ENTREP2: variants seen among roughly 807,000 people sequenced by gnomAD.
The protein encoded by ENTREP2 is protein ENTREP2.
the ENTREP2 span, among the ~76,000 whole-genome samples, chr15:29,611,641 C>A: frequency 6.6e-6 from 1 of 152,102 alleles, no homozygotes; most frequent in South Asian, 2.1e-4. Context: ...CTCCTCTCTT[C>A]TTCCCCATCC....
chr15:29,596,484 C>G, the ENTREP2 span, among the ~76,000 whole-genome samples: 1 of 152,118 alleles, frequency 6.6e-6, no homozygotes, highest in Non-Finnish European at 1.5e-5. Context: ...ACAACTTTAT[C>G]AGCTAGAATA....
chr15:29,207,020 C>T, the ENTREP2 span, among the ~76,000 whole-genome samples: 1 of 152,164 alleles, frequency 6.6e-6, no homozygotes, highest in African/African-American at 2.4e-5. Context: ...GGTTGGATGA[C>T]ACGGAGCCAC....
the ENTREP2 span, among the ~76,000 whole-genome samples, chr15:29,571,473 C>G: frequency 1.6e-3 from 236 of 151,640 alleles, no homozygotes; most frequent in African/African-American, 5.5e-3. Flanking sequence ...TGCAAAAATC[C>G]AAGATCCAAG....
the ENTREP2 span, among the ~76,000 whole-genome samples, chr15:29,558,930 A>G: frequency 1.4e-4 from 22 of 152,078 alleles, no homozygotes; most frequent in Non-Finnish European, 3.2e-4. Flanking sequence ...CGCATATACA[A>G]AAGATGTATT....
At chr15:29,343,884 A>T in the ENTREP2 span, among the ~76,000 whole-genome samples, 1 of 152,240 alleles carries the variant, frequency 6.6e-6, no homozygotes, top group Non-Finnish European at 1.5e-5. Flanking sequence ...AATAAAGGTT[A>T]TTTGTTTTAT....
At chr15:29,249,322 T>C in the ENTREP2 span, among the ~76,000 whole-genome samples, 1 of 151,914 alleles carries the variant, frequency 6.6e-6, no homozygotes, top group Non-Finnish European at 1.5e-5. Context: ...AATAAATAAA[T>C]AAAACATGGA....
chr15:29,202,293 C>A, the ENTREP2 span, among the ~76,000 whole-genome samples: 1 of 151,862 alleles, frequency 6.6e-6, no homozygotes, highest in Admixed American at 6.6e-5. Context: ...GATTTCCTGA[C>A]ACCTATTTGC....
the ENTREP2 span, among the ~76,000 whole-genome samples, chr15:29,433,474 T>A: frequency 6.6e-6 from 1 of 152,174 alleles, no homozygotes; most frequent in Admixed American, 6.5e-5. Flanking sequence ...CACATATCCA[T>A]GAGAGAAAGA....
At chr15:29,198,142 AG>A in the ENTREP2 span, among the ~76,000 whole-genome samples, 2 of 152,174 alleles carry the variant, frequency 1.3e-5, no homozygotes, top group Non-Finnish European at 2.9e-5. Flanking sequence ...GCTCCATGTC[AG>A]GTGGGCTTTG....
the ENTREP2 span, among the ~76,000 whole-genome samples, chr15:29,207,526 C>A: frequency 6.6e-6 from 1 of 152,040 alleles, no homozygotes; most frequent in African/African-American, 2.4e-5. Context: ...ATCAGAATGC[C>A]CTTTTCTCAA....
the ENTREP2 span, among the ~76,000 whole-genome samples, chr15:29,446,674 C>T: frequency 6.6e-6 from 1 of 152,194 alleles, no homozygotes; most frequent in Non-Finnish European, 1.5e-5. Context: ...TCAAAGTCAG[C>T]AGCTTAAAGC....
At chr15:29,387,904 C>T in the ENTREP2 span, among the ~76,000 whole-genome samples, 4 of 152,192 alleles carry the variant, frequency 2.6e-5, no homozygotes, top group African/African-American at 9.7e-5. Flanking sequence ...GCTGGGAAAA[C>T]TGGCTAGCCA....
At chr15:29,344,169 C>T in the ENTREP2 span, among the ~76,000 whole-genome samples, 7 of 152,222 alleles carry the variant, frequency 4.6e-5, no homozygotes, top group Non-Finnish European at 7.3e-5. Flanking sequence ...ACGACCTGGG[C>T]TGGAGTGGCC....
the ENTREP2 span, among the ~76,000 whole-genome samples, chr15:29,237,798 A>C: frequency 2.6e-5 from 4 of 152,208 alleles, no homozygotes; most frequent in African/African-American, 9.6e-5. Flanking sequence ...TGGCAATTCT[A>C]TTCCGAGGTA....
chr15:29,477,999 A>ATATATATATATATATATTTTTTTT, the ENTREP2 span, among the ~76,000 whole-genome samples: 1 of 78,064 alleles, frequency 1.3e-5, no homozygotes, highest in African/African-American at 6.1e-5. Flanking sequence ...TTAACTATAT[A>ATATATATATATATATATTTTTTTT]TATATATATA....
the ENTREP2 span, among the ~76,000 whole-genome samples, chr15:29,430,908 T>C: frequency 1.3e-5 from 2 of 152,162 alleles, no homozygotes; most frequent in Non-Finnish European, 2.9e-5. Flanking sequence ...CCCAGGTTCC[T>C]GGTCTTACTG....
chr15:29,480,025 A>C, the ENTREP2 span, among the ~76,000 whole-genome samples: 7 of 152,086 alleles, frequency 4.6e-5, no homozygotes, highest in Non-Finnish European at 1.0e-4. Context: ...TGTGCTAAAA[A>C]ATTTGCTTGT....
the ENTREP2 span, among the ~76,000 whole-genome samples, chr15:29,162,635 C>G: frequency 6.6e-6 from 1 of 152,070 alleles, no homozygotes; most frequent in Non-Finnish European, 1.5e-5. Flanking sequence ...ACACCCATCC[C>G]CCACAGGAGC....
chr15:29,642,858 C>T, the ENTREP2 span, among the ~76,000 whole-genome samples: 2 of 152,150 alleles, frequency 1.3e-5, no homozygotes, highest in East Asian at 1.9e-4. Context: ...GTGATCCACC[C>T]GCCTTGGCCT....
Sources: allele counts gnomAD v4.1 joint callset (sites outside exome capture counted in the v4.1 genomes callset), GRCh38; gene constraint gnomAD v4.1.1; transcripts MANE v1.5; gene names NCBI Gene and HGNC (gene_info 2026-07-23, HGNC 2026-07-21).